Variants in ARHGAP24 observed in about 807,000 individuals in gnomAD.
ARHGAP24 encodes Rho GTPase activating protein 24.
ARHGAP24 carries 50 observed loss-of-function variants against 76.4 expected under a neutral mutation model. The ratio of observed to expected loss-of-function variants is 0.65; its 90% CI spans 0.52 to 0.83. The LOEUF (loss-of-function observed/expected upper bound fraction) is 0.83. ARHGAP24 is among the 40% of genes least tolerant of loss of function. The pLI is 0.00. For missense variants in ARHGAP24, 930 were observed against 914.2 expected, an observed-to-expected ratio of 1.02 and a Z score of -0.22; for synonymous variants, 345 against 323.3, an observed-to-expected ratio of 1.07 and a Z score of -0.72.
chr4:85,796,300 T>C (rs28491994), intron 3 of ARHGAP24, among the ~76,000 whole-genome samples: 33,476 of 152,018 alleles, frequency 0.22, 4,142 homozygotes, highest in African/African-American at 0.33. Flanking sequence ...GAAAAAAGTT[T>C]GCTAGAATTT....
intron 2 of ARHGAP24, among the ~76,000 whole-genome samples, chr4:85,585,518 A>G (rs986529020): frequency 2.0e-5 from 3 of 152,228 alleles, no homozygotes; most frequent in African/African-American, 7.2e-5. Flanking sequence ...TCTTAACTCT[A>G]TTTCCATTTA....
chr4:85,923,199 C>A (rs1735830321), intron 3 of ARHGAP24, among the ~76,000 whole-genome samples: 1 of 152,158 alleles, frequency 6.6e-6, no homozygotes, highest in Non-Finnish European at 1.5e-5. Flanking sequence ...CATATCCAAT[C>A]ACGATGTCCT....
At chr4:85,771,462 T>C (rs1352491076) in intron 3 of ARHGAP24, among the ~76,000 whole-genome samples, 1 of 152,248 alleles carries the variant, frequency 6.6e-6, no homozygotes, top group Non-Finnish European at 1.5e-5. Context: ...GATTGCATTA[T>C]GCCCACTCAC....
intron 4 of ARHGAP24, chr4:85,930,416 C>G: frequency 3.0e-6 from 3 of 985,830 alleles, no homozygotes; most frequent in Non-Finnish European, 3.6e-6. Context: ...CATTATTTTC[C>G]TCCCCTCTTG....
At chr4:85,728,377 C>G (rs1471635090) in intron 3 of ARHGAP24, among the ~76,000 whole-genome samples, 3 of 152,030 alleles carry the variant, frequency 2.0e-5, no homozygotes, top group Admixed American at 1.3e-4. Flanking sequence ...TTATCTCTCT[C>G]TCTCTCACCT....
At chr4:85,974,844 C>G (rs776834498) in intron 6 of ARHGAP24, 44 bp from the exon 7 acceptor site, 8 of 1,575,362 alleles carry the variant, frequency 5.1e-6, no homozygotes, top group Non-Finnish European at 7.0e-6. Context: ...AATTCTAAGG[C>G]CAACGTGTAG....
At chr4:85,567,763 G>A (rs1578042568) in intron 1 of ARHGAP24, among the ~76,000 whole-genome samples, 1 of 152,276 alleles carries the variant, frequency 6.6e-6, no homozygotes, top group Middle Eastern at 3.4e-3. Flanking sequence ...TTTTAAAGAT[G>A]AAGTGTAGAA....
At chr4:85,610,551 GAC>G (rs1491085552) in intron 2 of ARHGAP24, among the ~76,000 whole-genome samples, 1 of 83,124 alleles carries the variant, frequency 1.2e-5, no homozygotes, top group Non-Finnish European at 2.7e-5. Flanking sequence ...AACAGAAATA[GAC>G]AAAATGCAAA....
intron 2 of ARHGAP24, among the ~76,000 whole-genome samples, chr4:85,639,602 C>G (rs1019120017): frequency 3.6e-5 from 5 of 137,320 alleles, no homozygotes; most frequent in African/African-American, 1.2e-4. Context: ...TAAAAAGACT[C>G]TGTAATTTCT....
intron 2 of ARHGAP24, among the ~76,000 whole-genome samples, chr4:85,697,575 A>G (rs1723916418): frequency 6.6e-6 from 1 of 152,268 alleles, no homozygotes; most frequent in Non-Finnish European, 1.5e-5. Context: ...CAGTAAGCTC[A>G]GCTGTGTAGC....
intron 2 of ARHGAP24, among the ~76,000 whole-genome samples, chr4:85,697,509 TAA>T (rs145288174): frequency 0.042 from 6,401 of 152,210 alleles, 427 homozygotes; most frequent in African/African-American, 0.15. Context: ...TAATAAATTT[TAA>T]AAAAATATGT....
At chr4:85,630,088 G>T (rs141347182) in intron 2 of ARHGAP24, among the ~76,000 whole-genome samples, 2 of 151,564 alleles carry the variant, frequency 1.3e-5, no homozygotes, top group African/African-American at 4.9e-5. Flanking sequence ...ACCTGTCCTT[G>T]AGCTTGCTAA....
chr4:85,557,807 G>A (rs1433121494), intron 1 of ARHGAP24, among the ~76,000 whole-genome samples: 3 of 152,070 alleles, frequency 2.0e-5, no homozygotes, highest in East Asian at 1.9e-4. Context: ...AATTCCTCTG[G>A]TCACAGAAGA....
intron 5 of ARHGAP24, among the ~76,000 whole-genome samples, chr4:85,956,538 C>T (rs1290183430): frequency 6.6e-6 from 1 of 152,070 alleles, no homozygotes; most frequent in African/African-American, 2.4e-5. Context: ...TCACGGATTC[C>T]AAGGAATGGA....
intron 1 of ARHGAP24, among the ~76,000 whole-genome samples, chr4:85,523,609 A>G (rs1443279405): frequency 6.6e-5 from 10 of 152,192 alleles, no homozygotes; most frequent in Admixed American, 6.6e-4. Context: ...CTTTAACTTC[A>G]TAATGCAAAT....
chr4:85,759,567 C>CAG (rs1726656846), intron 3 of ARHGAP24, among the ~76,000 whole-genome samples: 1 of 152,096 alleles, frequency 6.6e-6, no homozygotes, highest in Non-Finnish European at 1.5e-5. Context: ...ATCACTTTGG[C>CAG]AGGTATCCAC....
chr4:85,637,928 T>A lies in ARHGAP24; in HGVS notation c.180+67207T>A, dbSNP rs186065610. On this transcript the variant is annotated intron_variant, in intron 2 of 9. Transcript: ENST00000395184. ...GAACTAAGCCTGTGGTTTGCATTCC[T>A]GTTCCTAGGCTTTATTCAGAATCTA... Among the ~76,000 whole-genome samples, 200 of 152,266 alleles carry A rather than the reference T, an allele frequency of 1.3e-3. 1 individual carries two copies. Among genetic ancestry groups the A allele is most frequent in the Admixed American group, 3.8e-3 (58 of 15,268 alleles).
intron 2 of ARHGAP24, among the ~76,000 whole-genome samples, chr4:85,622,245 C>T (rs1402508276): frequency 1.2e-5 from 1 of 86,808 alleles, no homozygotes; most frequent in Non-Finnish European, 2.2e-5. Flanking sequence ...TATCCCTCCC[C>T]CCTCCCCCCA....
intron 3 of ARHGAP24, among the ~76,000 whole-genome samples, chr4:85,784,584 G>A (rs1363984835): frequency 6.6e-6 from 1 of 151,878 alleles, no homozygotes; most frequent in Non-Finnish European, 1.5e-5. Context: ...CCCCTGCTCA[G>A]CCTGCACAAC....
Sources: allele counts gnomAD v4.1 joint callset (sites outside exome capture counted in the v4.1 genomes callset), GRCh38; gene constraint gnomAD v4.1.1; transcripts MANE v1.5; gene names NCBI Gene and HGNC (gene_info 2026-07-23, HGNC 2026-07-21).